ARHGAP24: variants seen among roughly 807,000 people sequenced by gnomAD.
ARHGAP24 encodes the protein Rho GTPase activating protein 24.
Under a neutral mutation model 76.4 loss-of-function variants are expected in ARHGAP24, and 50 were observed. The ratio of observed to expected loss-of-function variants is 0.65; its 90% CI spans 0.52 to 0.83. The LOEUF (loss-of-function observed/expected upper bound fraction) is 0.83, where lower values mean the gene tolerates loss of function less well. Among genes scored for constraint, ARHGAP24 ranks in the 40% least tolerant of loss-of-function variants. The probability of loss-of-function intolerance (pLI) is 0.00; values close to 1 mark genes in which losing one functional copy is unlikely to be tolerated. For synonymous variants in ARHGAP24, 345 were observed against 323.3 expected, an observed-to-expected ratio of 1.07 and a Z score of -0.72; for missense variants, 930 against 914.2, an observed-to-expected ratio of 1.02 and a Z score of -0.22.
intron 6 of ARHGAP24, among the ~76,000 whole-genome samples, chr4:85,973,830 A>ATTTTT (rs1578452367): frequency 2.6e-3 from 97 of 36,892 alleles, no homozygotes; most frequent in South Asian, 4.0e-3. Flanking sequence ...ACTGCTGCCT[A>ATTTTT]TTGTTTTTTT....
At chr4:85,678,899 G>C (rs562767849) in intron 2 of ARHGAP24, among the ~76,000 whole-genome samples, 1 of 152,320 alleles carries the variant, frequency 6.6e-6, no homozygotes. Context: ...TGCTGGCAAT[G>C]TAGGGGCCAA....
intron 2 of ARHGAP24, among the ~76,000 whole-genome samples, chr4:85,694,346 C>T (rs370167587): frequency 7.9e-5 from 12 of 152,008 alleles, no homozygotes; most frequent in Non-Finnish European, 1.0e-4. Flanking sequence ...CGGAAGAACA[C>T]GGGATTTGGA....
Position 86,001,508 on chromosome 4 carries a change from AT to A in ARHGAP24, c.*789del. 2.5e-6 allele frequency: 1 copy of A among 398,484 alleles called. No homozygotes were observed. The highest frequency in any genetic ancestry group is 4.4e-6 in the Non-Finnish European group (1 of 225,988). The allele number at this position is 398,484 out of a possible 1,614,324, so 24.7% of individuals were successfully genotyped here. On this transcript the variant is annotated 3_prime_UTR_variant, in exon 10 of 10. Transcript: ENST00000395184. Reference sequence around the variant, plus strand: ...AAAAGAAAAAATGGTAAAGAATGGCATTTAACGATTCAGGCTTTGAATTACT... The same window carrying A: ...AAAAGAAAAAATGGTAAAGAATGGCATTAACGATTCAGGCTTTGAATTACT...
At chr4:85,785,567 C>T (rs1727798743) in intron 3 of ARHGAP24, among the ~76,000 whole-genome samples, 1 of 151,808 alleles carries the variant, frequency 6.6e-6, no homozygotes. Context: ...CAATTACAAA[C>T]TACATAACGC....
chr4:85,960,334 A>G (rs1024720238), intron 5 of ARHGAP24, among the ~76,000 whole-genome samples: 1 of 152,180 alleles, frequency 6.6e-6, no homozygotes, highest in African/African-American at 2.4e-5. Flanking sequence ...TAAGGAATTA[A>G]TAGTAATGTT....
intron 3 of ARHGAP24, among the ~76,000 whole-genome samples, chr4:85,911,948 T>C (rs963586262): frequency 1.1e-4 from 16 of 152,212 alleles, no homozygotes; most frequent in Non-Finnish European, 1.8e-4. Context: ...ACTTGTGGCC[T>C]TCTGGCCTCC....
intron 3 of ARHGAP24, among the ~76,000 whole-genome samples, chr4:85,876,053 T>C (rs927575850): frequency 6.6e-6 from 1 of 152,088 alleles, no homozygotes; most frequent in Non-Finnish European, 1.5e-5. Context: ...GGAATAGATA[T>C]ATTTAATACA....
At chr4:85,932,209 A>G (rs1736373701) in intron 4 of ARHGAP24, among the ~76,000 whole-genome samples, 1 of 152,158 alleles carries the variant, frequency 6.6e-6, no homozygotes, top group African/African-American at 2.4e-5. Flanking sequence ...TTATAGATCT[A>G]TAGGGATTTT....
chr4:85,650,827 A>T (rs1322034086), intron 2 of ARHGAP24, among the ~76,000 whole-genome samples: 2 of 149,498 alleles, frequency 1.3e-5, no homozygotes, highest in Admixed American at 6.6e-5. Flanking sequence ...TATTGATCCT[A>T]AAGGAGGTCA....
intron 1 of ARHGAP24, among the ~76,000 whole-genome samples, chr4:85,516,249 G>A (rs1014100159): frequency 1.5e-4 from 23 of 152,170 alleles, no homozygotes; most frequent in Non-Finnish European, 2.9e-5. Context: ...TGAGCACTGA[G>A]TTGCCTGGAT....
intron 3 of ARHGAP24, among the ~76,000 whole-genome samples, chr4:85,794,970 C>A (rs960460364): frequency 1.3e-5 from 2 of 152,160 alleles, no homozygotes; most frequent in African/African-American, 4.8e-5. Context: ...GGTTATCCCC[C>A]TTAAACAACA....
intron 2 of ARHGAP24, among the ~76,000 whole-genome samples, chr4:85,707,941 C>T (rs1175518362): frequency 1.3e-5 from 2 of 151,914 alleles, no homozygotes; most frequent in South Asian, 2.1e-4. Context: ...TCTTTTTTTC[C>T]GATCTCCACC....
chr4:85,749,081 A>C (rs1310738049), intron 3 of ARHGAP24, among the ~76,000 whole-genome samples: 1 of 152,220 alleles, frequency 6.6e-6, no homozygotes, highest in African/African-American at 2.4e-5. Context: ...CTCCAGCCCA[A>C]CATGAAATTG....
At chr4:85,827,783 C>T (rs905532831) in intron 3 of ARHGAP24, 1 of 549,780 alleles carries the variant, frequency 1.8e-6, no homozygotes, top group Non-Finnish European at 2.9e-6. Context: ...CCCACTAGTG[C>T]TGGGGAGCGA....
chr4:85,717,011 G>A (rs542479083), intron 2 of ARHGAP24, among the ~76,000 whole-genome samples: 1 of 152,082 alleles, frequency 6.6e-6, no homozygotes, highest in South Asian at 2.1e-4. Context: ...GGAATTTATA[G>A]AGATTAATCT....
intron 4 of ARHGAP24, chr4:85,931,100 T>C: frequency 6.6e-7 from 1 of 1,511,912 alleles, no homozygotes; most frequent in Non-Finnish European, 8.9e-7. Flanking sequence ...TATCTTAGGC[T>C]TTAAGGTCTG....
At chr4:85,769,236 T>C (rs1003016483) in intron 3 of ARHGAP24, among the ~76,000 whole-genome samples, 1 of 152,194 alleles carries the variant, frequency 6.6e-6, no homozygotes, top group African/African-American at 2.4e-5. Context: ...GGGTCATTGG[T>C]GTGATTCATC....
At chr4:85,818,588 T>A (rs1225934236) in intron 3 of ARHGAP24, among the ~76,000 whole-genome samples, 1 of 152,186 alleles carries the variant, frequency 6.6e-6, no homozygotes, top group Non-Finnish European at 1.5e-5. Context: ...CAGCAGAGAG[T>A]GATTGATCAT....
At chr4:85,508,286 G>A (rs1724141727) in intron 1 of ARHGAP24, among the ~76,000 whole-genome samples, 1 of 152,094 alleles carries the variant, frequency 6.6e-6, no homozygotes, top group African/African-American at 2.4e-5. Context: ...GGAAATGAGG[G>A]CAAGATTTTT....
Sources: allele counts gnomAD v4.1 joint callset (sites outside exome capture counted in the v4.1 genomes callset), GRCh38; gene constraint gnomAD v4.1.1; transcripts MANE v1.5; gene names NCBI Gene and HGNC (gene_info 2026-07-23, HGNC 2026-07-21).